MCC: variants seen among roughly 807,000 people sequenced by gnomAD.
MCC encodes MCC regulator of Wnt signaling pathway.
Under a neutral mutation model 116.2 loss-of-function variants are expected in MCC, and 90 were observed. The ratio of observed to expected loss-of-function variants is 0.77; its 90% confidence interval spans 0.65 to 0.92. The LOEUF (loss-of-function observed/expected upper bound fraction) is 0.92, where lower values mean the gene tolerates loss of function less well. MCC is among the 40% of genes least tolerant of loss of function. MCC has a pLI of 0.00. For synonymous variants in MCC, 578 were observed against 510.5 expected, an observed-to-expected ratio of 1.13 and a Z score of -1.78; for missense variants, 1,516 against 1,312.2, an observed-to-expected ratio of 1.16 and a Z score of -2.40.
At chr5:113,259,270 T>C (rs1239292617) in intron 3 of MCC, among the ~76,000 whole-genome samples, 2 of 152,208 alleles carry the variant, frequency 1.3e-5, no homozygotes, top group African/African-American at 4.8e-5. Flanking sequence ...AGATGCCCCA[T>C]TGTTACAGAT....
chr5:113,441,785 G>T (rs1771050287), intron 1 of MCC, among the ~76,000 whole-genome samples: 1 of 152,176 alleles, frequency 6.6e-6, no homozygotes, highest in South Asian at 2.1e-4. Context: ...CATTTGCTGA[G>T]AATGACGGTT....
chr5:113,060,360 G>A (rs1229754167), intron 14 of MCC, among the ~76,000 whole-genome samples: 2 of 152,100 alleles, frequency 1.3e-5, no homozygotes, highest in Admixed American at 6.5e-5. Context: ...TCACTATGTT[G>A]TCCAGGGTGG....
chr5:113,331,822 G>C (rs1767704565), intron 3 of MCC, among the ~76,000 whole-genome samples: 1 of 151,330 alleles, frequency 6.6e-6, no homozygotes, highest in Non-Finnish European at 1.5e-5. Flanking sequence ...ATTATTAGTA[G>C]AGACGGGGTT....
chr5:113,071,021 A>G (rs4705771), intron 12 of MCC, 73 bp downstream of exon 12: 1,524,359 of 1,526,236 alleles, frequency 1, 761,271 homozygotes, highest in Middle Eastern at 1. Flanking sequence ...CCTATTTCCT[A>G]CTTTTATTCT....
At chr5:113,333,793 ATATATATGTATATATG>A (rs201234572) in intron 3 of MCC, among the ~76,000 whole-genome samples, 1 of 54,804 alleles carries the variant, frequency 1.8e-5, no homozygotes, top group African/African-American at 6.7e-5. Context: ...ATATATTTAT[ATATATATGTATATATG>A]TATATATGTA....
At chr5:113,052,633 A>G (rs1349073635) in intron 15 of MCC, among the ~76,000 whole-genome samples, 1 of 152,186 alleles carries the variant, frequency 6.6e-6, no homozygotes, top group Non-Finnish European at 1.5e-5. Flanking sequence ...TCCACTCTCC[A>G]GAGATGGTGC....
chr5:113,364,559 T>C (rs1440675594), intron 2 of MCC, among the ~76,000 whole-genome samples: 1 of 152,214 alleles, frequency 6.6e-6, no homozygotes, highest in Non-Finnish European at 1.5e-5. Context: ...GATGGCCCTC[T>C]TCTCCCAGCT....
At chr5:113,227,679 G>A (rs1763795915) in intron 3 of MCC, among the ~76,000 whole-genome samples, 1 of 152,120 alleles carries the variant, frequency 6.6e-6, no homozygotes, top group Non-Finnish European at 1.5e-5. Context: ...TATGGGGATG[G>A]CTTATAAATT....
intron 12 of MCC, among the ~76,000 whole-genome samples, chr5:113,068,406 G>C (rs1753775775): frequency 1.3e-5 from 2 of 152,152 alleles, no homozygotes; most frequent in South Asian, 4.1e-4. Context: ...AAAAATACAA[G>C]AGAAACAATA....
chr5:113,362,562 C>T (rs1768576137), intron 2 of MCC, among the ~76,000 whole-genome samples: 1 of 151,968 alleles, frequency 6.6e-6, no homozygotes, highest in African/African-American at 2.4e-5. Flanking sequence ...TAGTAGTTAA[C>T]AAGAAACATG....
intron 3 of MCC, among the ~76,000 whole-genome samples, chr5:113,321,267 T>C (rs1379960573): frequency 6.6e-6 from 1 of 152,224 alleles, no homozygotes; most frequent in African/African-American, 2.4e-5. Context: ...AAGTTTTCTT[T>C]GTAAAATAAA....
intron 3 of MCC, among the ~76,000 whole-genome samples, chr5:113,250,747 G>A (rs1463124376): frequency 6.6e-6 from 1 of 152,130 alleles, no homozygotes; most frequent in East Asian, 1.9e-4. Flanking sequence ...GCTGGAAAAC[G>A]CATGTGGCTT....
At chr5:113,167,746 T>G (rs1029120382) in intron 3 of MCC, among the ~76,000 whole-genome samples, 1 of 152,078 alleles carries the variant, frequency 6.6e-6, no homozygotes, top group African/African-American at 2.4e-5. Flanking sequence ...TTCTCTCACC[T>G]CAGCTTCCCA....
intron 13 of MCC, among the ~76,000 whole-genome samples, chr5:113,067,650 A>C (rs1753716311): frequency 6.6e-6 from 1 of 152,014 alleles, no homozygotes; most frequent in Non-Finnish European, 1.5e-5. Flanking sequence ...ACAAACAAAC[A>C]AAAAAAACAA....
intron 2 of MCC, among the ~76,000 whole-genome samples, chr5:113,382,907 C>T (rs745770077): frequency 2.6e-5 from 4 of 152,166 alleles, no homozygotes; most frequent in African/African-American, 7.2e-5. Flanking sequence ...GGTTTCACAG[C>T]CGCTGGCACT....
intron 3 of MCC, among the ~76,000 whole-genome samples, chr5:113,186,630 T>C (rs1207843692): frequency 2.6e-5 from 4 of 152,160 alleles, no homozygotes; most frequent in Non-Finnish European, 5.9e-5. Flanking sequence ...TTTTTATATT[T>C]AAGATCAACA....
chr5:113,274,383 G>C lies in MCC; in HGVS notation c.627+66136C>G, dbSNP rs183874061. On this transcript the variant is annotated intron_variant, in intron 3 of 18. Transcript: ENST00000408903. ...CTTTTGTTTTGTTTTGTTTGAGATG[G>C]AGTTTTGTTCTTGTTGCCCAGGCTG... Among the ~76,000 whole-genome samples, 166 of 152,290 alleles carry C rather than the reference G, an allele frequency of 1.1e-3. 1 individual carries two copies. The highest frequency in any genetic ancestry group is 3.7e-3 in the African/African-American group (154 of 41,548).
chr5:113,338,944 A>G (rs1767936185), intron 3 of MCC, among the ~76,000 whole-genome samples: 1 of 152,118 alleles, frequency 6.6e-6, no homozygotes, highest in East Asian at 1.9e-4. Context: ...GTGCATGTTT[A>G]TATGTTTTTA....
chr5:113,064,821 G>A (rs1416558382), intron 13 of MCC, among the ~76,000 whole-genome samples: 1 of 152,200 alleles, frequency 6.6e-6, no homozygotes, highest in East Asian at 1.9e-4. Context: ...ACCAGGCAGT[G>A]AAGTCCCTGC....
Sources: allele counts gnomAD v4.1 joint callset (sites outside exome capture counted in the v4.1 genomes callset), GRCh38; gene constraint gnomAD v4.1.1; transcripts MANE v1.5; gene names NCBI Gene and HGNC (gene_info 2026-07-23, HGNC 2026-07-21).